The following PDE1A variants were observed in gnomAD, a reference collection of about 807,000 sequenced individuals.
PDE1A encodes dual specificity calcium/calmodulin-dependent 3',5'-cyclic nucleotide phosphodiesterase 1A.
In PDE1A, 35 loss-of-function variants were observed where a neutral mutation model predicts 61.7. The ratio of observed to expected loss-of-function variants is 0.57; its 90% confidence interval spans 0.43 to 0.75. The LOEUF is 0.75. Among genes scored for constraint, PDE1A ranks in the 30% least tolerant of loss-of-function variants. The probability of loss-of-function intolerance (pLI) is 0.00; values close to 1 mark genes in which losing one functional copy is unlikely to be tolerated. For missense variants in PDE1A, 597 were observed against 630.6 expected, an observed-to-expected ratio of 0.95 and a Z score of 0.57; for synonymous variants, 232 against 213.2, an observed-to-expected ratio of 1.09 and a Z score of -0.77.
the PDE1A span, among the ~76,000 whole-genome samples, chr2:182,645,715 A>G: frequency 2.6e-5 from 4 of 152,370 alleles, no homozygotes; most frequent in East Asian, 7.7e-4. Context: ...AAAGAAAAAA[A>G]ATTAATATAT....
intron 1 of PDE1A, among the ~76,000 whole-genome samples, chr2:182,270,728 T>C (rs1262584976): frequency 6.6e-6 from 1 of 151,218 alleles, no homozygotes; most frequent in Non-Finnish European, 1.5e-5. Flanking sequence ...CTATAATATA[T>C]ATTAATATTA....
chr2:182,532,673 A>G, the PDE1A span, among the ~76,000 whole-genome samples: 1 of 152,142 alleles, frequency 6.6e-6, no homozygotes, highest in Non-Finnish European at 1.5e-5. Context: ...AAATCAATGA[A>G]TTTGCCAGGC....
chr2:182,592,305 T>A, the PDE1A span, among the ~76,000 whole-genome samples: 1 of 152,232 alleles, frequency 6.6e-6, no homozygotes, highest in African/African-American at 2.4e-5. Context: ...CCGAGTTTCA[T>A]CCAACAAAAA....
intron 13 of PDE1A, among the ~76,000 whole-genome samples, chr2:182,181,658 T>C: frequency 6.6e-6 from 1 of 152,196 alleles, no homozygotes; most frequent in Admixed American, 6.5e-5. Context: ...TTAAATCCGC[T>C]GACCCTGCGA....
chr2:182,234,174 GA>G (rs941151626), intron 4 of PDE1A, among the ~76,000 whole-genome samples: 8 of 151,580 alleles, frequency 5.3e-5, no homozygotes, highest in South Asian at 2.1e-4. Context: ...ATAAAATTAA[GA>G]AAAAAAACAC....
At chr2:182,411,610 T>A (rs1213808615) in intron 1 of PDE1A, among the ~76,000 whole-genome samples, 1 of 152,180 alleles carries the variant, frequency 6.6e-6, no homozygotes, top group East Asian at 1.9e-4. Flanking sequence ...CGGCCATGTA[T>A]GAGAGTTCCA....
chr2:182,567,938 G>A, the PDE1A span, among the ~76,000 whole-genome samples: 4 of 151,290 alleles, frequency 2.6e-5, no homozygotes, highest in East Asian at 1.9e-4. Context: ...GATTAGAGGC[G>A]CCCGCCACCA....
chr2:182,684,491 T>G, the PDE1A span, among the ~76,000 whole-genome samples: 3 of 152,202 alleles, frequency 2.0e-5, no homozygotes, highest in African/African-American at 7.2e-5. Flanking sequence ...ATGTAAGTAA[T>G]CACGTCAAGA....
intron 13 of PDE1A, among the ~76,000 whole-genome samples, chr2:182,171,532 G>A (rs1408501454): frequency 6.6e-6 from 1 of 151,832 alleles, no homozygotes; most frequent in Admixed American, 6.6e-5. Flanking sequence ...AGGAACGGAA[G>A]CCTATAGGTT....
chr2:182,671,361 T>TTTTTTTTTTTTTC, the PDE1A span, among the ~76,000 whole-genome samples: 3 of 114,204 alleles, frequency 2.6e-5, no homozygotes, highest in Non-Finnish European at 5.3e-5. Flanking sequence ...TTTTTTTTTT[T>TTTTTTTTTTTTTC]GTATTTTTAG....
intron 7 of PDE1A, among the ~76,000 whole-genome samples, chr2:182,208,888 C>T (rs1179369971): frequency 1.3e-5 from 2 of 152,152 alleles, no homozygotes; most frequent in East Asian, 3.9e-4. Flanking sequence ...CATTATATCT[C>T]GGAAGTAACT....
chr2:182,371,948 CT>C (rs956332642), intron 1 of PDE1A, among the ~76,000 whole-genome samples: 5 of 152,004 alleles, frequency 3.3e-5, no homozygotes, highest in African/African-American at 9.7e-5. Context: ...CCACGCCTGG[CT>C]TTTTTTATTT....
chr2:182,250,816 G>A (rs972039958), intron 2 of PDE1A, among the ~76,000 whole-genome samples: 1 of 152,118 alleles, frequency 6.6e-6, no homozygotes. Context: ...TAAGACCTAC[G>A]GAGTGCTTGG....
At chr2:182,179,241 A>G (rs1225409969) in intron 13 of PDE1A, among the ~76,000 whole-genome samples, 1 of 152,190 alleles carries the variant, frequency 6.6e-6, no homozygotes, top group African/African-American at 2.4e-5. Flanking sequence ...TAATATTTAA[A>G]AAGTATCTGC....
intron 2 of PDE1A, among the ~76,000 whole-genome samples, chr2:182,454,213 G>A (rs1476053297): frequency 1.3e-5 from 2 of 152,144 alleles, no homozygotes; most frequent in African/African-American, 2.4e-5. Context: ...GCTTACAAGG[G>A]ATGTGAAGGA....
chr2:182,591,639 G>GTATC, the PDE1A span, among the ~76,000 whole-genome samples: 2 of 152,040 alleles, frequency 1.3e-5, no homozygotes, highest in Non-Finnish European at 2.9e-5. Context: ...AACGCCCTGG[G>GTATC]TATCTACCCA....
chr2:182,531,400 A>G, the PDE1A span, among the ~76,000 whole-genome samples: 3 of 151,850 alleles, frequency 2.0e-5, no homozygotes, highest in Non-Finnish European at 4.4e-5. Context: ...ATACCATAAT[A>G]ATACTAACCA....
At chr2:182,217,648 G>A (rs1176009631) in intron 7 of PDE1A, among the ~76,000 whole-genome samples, 1 of 139,730 alleles carries the variant, frequency 7.2e-6, no homozygotes, top group Non-Finnish European at 1.5e-5. Context: ...CATTTATGCA[G>A]CCAAAAAACA....
At chr2:182,574,376 A>G in the PDE1A span, among the ~76,000 whole-genome samples, 16 of 152,122 alleles carry the variant, frequency 1.1e-4, no homozygotes, top group Non-Finnish European at 1.9e-4. Flanking sequence ...ATTAACAACC[A>G]CAAGTCCAAC....
Sources: gnomAD v4.1 joint callset for allele counts (sites outside exome capture counted in the v4.1 genomes callset) on GRCh38, gnomAD v4.1.1 for gene constraint, MANE v1.5 for transcripts, NCBI Gene and HGNC (gene_info 2026-07-23, HGNC 2026-07-21) for gene names.